The following ZNF638 variants were observed in gnomAD, a reference collection of about 807,000 sequenced individuals.
ZNF638 encodes CTCL tumor antigen se33-1.
ZNF638 carries 46 observed loss-of-function variants against 195.6 expected under a neutral mutation model. The ratio of observed to expected loss-of-function variants is 0.24; its 90% CI spans 0.19 to 0.30. ZNF638 has a LOEUF of 0.30. Ranked by LOEUF, ZNF638 falls within the 10% of genes least tolerant of loss-of-function variation. The probability of loss-of-function intolerance (pLI) is 1.00; values close to 1 mark genes in which losing one functional copy is unlikely to be tolerated. For synonymous variants in ZNF638, 845 were observed against 772.0 expected (o/e 1.09, Z -1.57); for missense variants, 2,440 against 2,325.3 (o/e 1.05, Z -1.01).
rs756621527 is a variant in ZNF638, at chr2:71,426,823, G to A, written c.4954G>A (p.Asp1652Asn). 80 of 1,613,372 alleles carry A rather than the reference G, an allele frequency of 5.0e-5. No homozygotes were observed. Among genetic ancestry groups the A allele is most frequent in the Non-Finnish European group, 6.1e-5 (72 of 1,179,636 alleles). The part of the protein sequence containing the change: ...LFTLDELIDQ[D>N]DCISHSEPKD... ...TACATTAGATGAATTAATTGACCAA[G>A]ATGATTGCATTTCCCACAGTGAACC... Residue 1652 changes from aspartate (D) to asparagine (N), a missense_variant, in exon 24 of 28, where the codon GAT (aspartate) becomes AAT (asparagine). Around this residue, in one of 5 missense-constraint regions of ZNF638, gnomAD observed 1,883 missense variants for 1,739.1 expected, o/e 1.08. Transcript: ENST00000264447.
In ZNF638 at chr2:71,417,499, C is replaced by T. The variant is rs1051649816; in HGVS notation, c.3262-1103C>T. Among the ~76,000 whole-genome samples the T allele has an allele frequency of 2.0e-5, 3 of 152,128 alleles. No individual in the cohort carries two copies. In the East Asian group the frequency reaches 5.8e-4, roughly 29 times the overall value. On this transcript the variant is annotated intron_variant, in intron 20 of 27. Transcript: ENST00000264447. ...TTCCTATTCGGCCATCTTGGCTCCT[C>T]CCTGAGTTTTTTAAAAGGCACTTCA...
At position 71,423,427 on chromosome 2, in the gene ZNF638, G is replaced by A. The variant is rs1393813585; in HGVS notation, c.3913G>A (p.Gly1305Ser). The change falls in exon 22 of 28, where the codon GGT becomes AGT. Residue 1305 changes from glycine (G) to serine (S), a missense_variant. Gly to Ser is a moderately conservative substitution (Grantham distance 56, BLOSUM62 0). Coordinates refer to ENST00000264447, the MANE Select transcript of ZNF638 (RefSeq NM_014497.5). ...VDKKNISEKK[G>S]NMDEKEEKEF... is the part of the protein sequence containing the mutation. Reference sequence around the variant, plus strand: ...CAAAAAGAATATTTCTGAAAAAAAAGGTAACATGGATGAAAAGGAGGAGAA... The same window carrying A: ...CAAAAAGAATATTTCTGAAAAAAAAAGTAACATGGATGAAAAGGAGGAGAA... 2.5e-6 allele frequency: 4 copies of A among 1,613,532 alleles called. No homozygotes were observed. The South Asian group carries it at 3.3e-5, about 13-fold the overall frequency.
At chr2:71,370,563 A>G (rs2079291461) in intron 8 of ZNF638, among the ~76,000 whole-genome samples, 1 of 152,204 alleles carries the variant, frequency 6.6e-6, no homozygotes. Context: ...CCCTTTAAGG[A>G]TGAGCTTTCT....
Position 71,423,355 on chromosome 2 carries a change from G to T in ZNF638, c.3841G>T (p.Val1281Leu). The change falls in exon 22 of 28, where the codon GTG becomes TTG. Residue 1281 changes from valine (V) to leucine (L), a missense_variant. Transcript: ENST00000264447. ...GGAAATATTGCCATCAACTTGTATT[G>T]TGACGTTAGTACCAGGAATTCCCAC... ...VSEILPSTCI[V>L]TLVPGIPTGD... The T allele has an allele frequency of 6.2e-7, 1 of 1,613,932 alleles. No individual in the cohort carries two copies. The highest frequency in any genetic ancestry group is 8.5e-7 in the Non-Finnish European group (1 of 1,180,010).
At chr2:71,361,915 A>G (rs1055470187) in intron 3 of ZNF638, among the ~76,000 whole-genome samples, 1 of 152,248 alleles carries the variant, frequency 6.6e-6, no homozygotes, top group African/African-American at 2.4e-5. Flanking sequence ...ATAGCAACCA[A>G]GACAAACCAC....
At chr2:71,345,120 TA>T (rs1055162023) in intron 1 of ZNF638, among the ~76,000 whole-genome samples, 12 of 152,228 alleles carry the variant, frequency 7.9e-5, no homozygotes, top group African/African-American at 2.7e-4. Flanking sequence ...TGCTATATTT[TA>T]ATTATTTTTA....
chr2:71,366,231 T>C (rs1422944934), intron 6 of ZNF638, among the ~76,000 whole-genome samples: 2 of 151,788 alleles, frequency 1.3e-5, no homozygotes, highest in African/African-American at 4.8e-5. Flanking sequence ...GTGCCAGTAG[T>C]CCCAGCTACT....
chr2:71,335,443 T>G (rs900360502), intron 1 of ZNF638, among the ~76,000 whole-genome samples: 16 of 152,260 alleles, frequency 1.1e-4, no homozygotes, highest in Admixed American at 3.3e-4. Context: ...TAAAAAAAAT[T>G]TCCTATCTTA....
chr2:71,433,346 A>C (rs1394325637), intron 27 of ZNF638, 63 bp downstream of exon 27: 3 of 1,192,598 alleles, frequency 2.5e-6, no homozygotes, highest in Non-Finnish European at 3.7e-6. Context: ...CAAATTATTT[A>C]TCTCCCCAAA....
At chr2:71,434,627 T>G in intron 27 of ZNF638, 115 bp from the exon 28 acceptor site, 1 of 847,692 alleles carries the variant, frequency 1.2e-6, no homozygotes, top group African/African-American at 1.7e-5. Context: ...GCACTGTGTT[T>G]ATAATATTTT....
At chr2:71,434,066 C>A (rs564185113) in intron 27 of ZNF638, among the ~76,000 whole-genome samples, 14 of 152,224 alleles carry the variant, frequency 9.2e-5, no homozygotes, top group African/African-American at 3.4e-4. Context: ...TGTCACTTTT[C>A]CATTTAAAAC....
chr2:71,424,422 G>A (rs1271544621), intron 22 of ZNF638, among the ~76,000 whole-genome samples: 1 of 152,102 alleles, frequency 6.6e-6, no homozygotes, highest in Non-Finnish European at 1.5e-5. Flanking sequence ...ACTAGACATT[G>A]TGGGACGAAA....
chr2:71,423,408 G>C lies in ZNF638; in HGVS notation c.3894G>C (p.Lys1298Asn). 1 of 1,613,454 alleles carries C rather than the reference G, an allele frequency of 6.2e-7. No individual in the cohort carries two copies. The highest frequency in any genetic ancestry group is 8.5e-7 in the Non-Finnish European group (1 of 1,179,888). Residue 1298 changes from lysine to asparagine, a missense_variant, in exon 22 of 28, where the codon AAG becomes AAC. Lys to Asn is a moderately conservative substitution (Grantham distance 94). This residue lies in a region of ZNF638 where 1,883 missense variants were observed against 1,739.1 expected (regional missense o/e 1.08). Transcript: ENST00000264447. ...GGGATGAGAAGACAGTGGACAAAAA[G>C]AATATTTCTGAAAAAAAAGGTAACA... ...PTGDEKTVDK[K>N]NISEKKGNMD...
At chr2:71,343,855 G>T (rs917681366) in intron 1 of ZNF638, among the ~76,000 whole-genome samples, 25 of 116,634 alleles carry the variant, frequency 2.1e-4, no homozygotes, top group Non-Finnish European at 6.3e-5. Flanking sequence ...TTGCCGCCAG[G>T]CGCGGTGGCT....
chr2:71,405,518 G>C, intron 17 of ZNF638, 83 bp from the exon 18 acceptor site: 1 of 835,140 alleles, frequency 1.2e-6, no homozygotes, highest in Non-Finnish European at 1.9e-6. Context: ...TGTATAGATT[G>C]TCATGTTATA....
chr2:71,341,098 G>T (rs531972422), intron 1 of ZNF638, among the ~76,000 whole-genome samples: 1 of 152,142 alleles, frequency 6.6e-6, no homozygotes, highest in South Asian at 2.1e-4. Flanking sequence ...GGCAGTTCTT[G>T]GTTGTCTGTG....
rs569811943 is a variant in ZNF638, at chr2:71,364,097, G to A, written c.1562G>A (p.Arg521Gln). 1.9e-6 allele frequency: 3 copies of A among 1,614,076 alleles called. No individual in the cohort carries two copies. The highest frequency in any genetic ancestry group is 2.2e-5 in the East Asian group (1 of 44,874). The change falls in exon 5 of 28, where the codon CGA becomes CAA. Residue 521 changes from arginine to glutamine, a missense_variant. Around this residue, in one of 5 missense-constraint regions of ZNF638, gnomAD observed 1,883 missense variants for 1,739.1 expected, o/e 1.08. Transcript: ENST00000264447. ...PMHYMYRPRS[R>Q]SPRICHRFIS... ...CATTACATGTATAGGCCGAGAAGTC[G>A]AAGTCCAAGAATTTGCCATCGTTTC...
intron 1 of ZNF638, among the ~76,000 whole-genome samples, chr2:71,347,494 C>A (rs1482379246): frequency 6.6e-6 from 1 of 152,114 alleles, no homozygotes; most frequent in African/African-American, 2.4e-5. Context: ...TGGCTTGAAC[C>A]AGACAGTGAT....
intron 1 of ZNF638, among the ~76,000 whole-genome samples, chr2:71,333,982 T>G (rs953434972): frequency 6.6e-6 from 1 of 152,186 alleles, no homozygotes; most frequent in Non-Finnish European, 1.5e-5. Context: ...TTAAAAGGAT[T>G]TAGAGTAATA....
Sources: gnomAD v4.1 joint callset for allele counts (sites outside exome capture counted in the v4.1 genomes callset) on GRCh38, gnomAD v4.1.1 for gene constraint, gnomAD v4.1.1 regional missense constraint, MANE v1.5 for transcripts, NCBI Gene and HGNC (gene_info 2026-07-23, HGNC 2026-07-21) for gene names.